Variants in CTNND2 observed in about 807,000 individuals in gnomAD.
CTNND2 encodes catenin delta-2.
Under a neutral mutation model 144.4 loss-of-function variants are expected in CTNND2, and 22 were observed. That is an observed-to-expected ratio of 0.15 (90% CI 0.11 to 0.22). The LOEUF (loss-of-function observed/expected upper bound fraction) is 0.22. Ranked by LOEUF, CTNND2 falls within the 10% of genes least tolerant of loss-of-function variation. The probability of loss-of-function intolerance (pLI) is 1.00; values close to 1 mark genes in which losing one functional copy is unlikely to be tolerated. For missense variants in CTNND2, 1,353 were observed against 1,618.8 expected (o/e 0.84, Z 2.82); for synonymous variants, 751 against 695.6 (o/e 1.08, Z -1.25).
At position 11,798,931 on chromosome 5, in the gene CTNND2, A is replaced by G. The variant is rs1338563010; in HGVS notation, c.38-66659T>C. On this transcript the variant is annotated intron_variant, in intron 1 of 21. Coordinates refer to ENST00000304623, the MANE Select transcript of CTNND2 (RefSeq NM_001332.4). ...AAAATGTTTGTGCTCTTTATCATAT[A>G]AATAATCACTATTTTAATGTGCAGA... Among the ~76,000 whole-genome samples the G allele has an allele frequency of 2.0e-5, 3 of 152,180 alleles. No homozygotes were observed. In the East Asian group the frequency reaches 5.8e-4, roughly 29 times the overall value.
At chr5:11,704,508 A>C (rs1347124679) in intron 2 of CTNND2, among the ~76,000 whole-genome samples, 1 of 152,158 alleles carries the variant, frequency 6.6e-6, no homozygotes, top group Non-Finnish European at 1.5e-5. Context: ...TCCTGAACCC[A>C]AGTACTTAGC....
At chr5:11,646,097 C>CT (rs1421895625) in intron 2 of CTNND2, among the ~76,000 whole-genome samples, 1 of 151,636 alleles carries the variant, frequency 6.6e-6, no homozygotes, top group Non-Finnish European at 1.5e-5. Flanking sequence ...CTTCTCTGTC[C>CT]TTTTTTCTTC....
Position 10,988,344 on chromosome 5 carries a change from A to G in CTNND2, c.3212-102T>C. ...TCACTATGCATGGTCCCGCATCTCA[A>G]TGCCTACGTGAGGACCTGATGGGTT... On this transcript the variant is annotated intron_variant, in intron 19 of 21. Coordinates refer to ENST00000304623, the MANE Select transcript of CTNND2 (RefSeq NM_001332.4). This position sits in a 1 kb window ranked among gnomAD's most constrained non-coding sequence, Gnocchi z 5.9. The G allele has an allele frequency of 7.1e-7, 1 of 1,417,308 alleles. No individual in the cohort carries two copies. The highest frequency in any genetic ancestry group is 2.3e-5 in the East Asian group (1 of 43,206). 87.8% of individuals were successfully genotyped at this position (1,417,308 alleles called of 1,614,324 possible).
At chr5:11,237,799 A>G (rs980019913) in intron 9 of CTNND2, among the ~76,000 whole-genome samples, 13 of 152,246 alleles carry the variant, frequency 8.5e-5, no homozygotes, top group African/African-American at 3.1e-4. Flanking sequence ...ATGTTGTGAT[A>G]GCAGCCAATG....
chr5:11,147,742 A>C (rs1056030913), intron 12 of CTNND2, among the ~76,000 whole-genome samples: 9 of 152,050 alleles, frequency 5.9e-5, no homozygotes, highest in Non-Finnish European at 1.2e-4. Flanking sequence ...AGGCCCAGAT[A>C]ATGTAATGGA....
chr5:11,627,729 A>T (rs760945926), intron 2 of CTNND2, among the ~76,000 whole-genome samples: 1 of 151,398 alleles, frequency 6.6e-6, no homozygotes, highest in Non-Finnish European at 1.5e-5. Flanking sequence ...GGATGATTCA[A>T]GTGTGTTACA....
intron 1 of CTNND2, among the ~76,000 whole-genome samples, chr5:11,776,026 G>A (rs183871988): frequency 1.9e-4 from 29 of 152,252 alleles, no homozygotes; most frequent in Admixed American, 1.1e-3. Context: ...AAGAGGCCAC[G>A]AAGGATTCTT....
chr5:11,641,010 A>G (rs533049347), intron 2 of CTNND2, among the ~76,000 whole-genome samples: 1 of 152,272 alleles, frequency 6.6e-6, no homozygotes, highest in Admixed American at 6.5e-5. Flanking sequence ...AACCCAAAAT[A>G]AAACCCAACA....
At chr5:11,817,426 A>AG (rs1192815906) in intron 1 of CTNND2, among the ~76,000 whole-genome samples, 2 of 1,198 alleles carry the variant, frequency 1.7e-3, no homozygotes, top group African/African-American at 2.3e-3. Flanking sequence ...AGAGAGAGAG[A>AG]GAGAGAGAGA....
chr5:11,170,402 T>C (rs1042982425), intron 11 of CTNND2, among the ~76,000 whole-genome samples: 7 of 152,220 alleles, frequency 4.6e-5, no homozygotes, highest in Admixed American at 3.9e-4. Flanking sequence ...AACTGACAGA[T>C]ACAATTGTAT....
rs547991355 is a variant in CTNND2, at chr5:11,755,704, C to G, written c.38-23432G>C. Among the ~76,000 whole-genome samples, 7 of 141,386 alleles carry G rather than the reference C, an allele frequency of 5.0e-5. No individual in the cohort carries two copies. The South Asian group carries it at 1.6e-3, about 31-fold the overall frequency. The allele number at this position is 141,386 out of a possible 152,430, so 92.8% of individuals were successfully genotyped here. A position where few individuals can be genotyped will look rare whatever the true frequency, so the allele number is the denominator to read the frequency against. On this transcript the variant is annotated intron_variant, in intron 1 of 21. Coordinates refer to ENST00000304623, the MANE Select transcript of CTNND2 (RefSeq NM_001332.4). ...TGGTCTTTGAGCTCTGAGATTCTTT[C>G]CTCAGCTTGGTTTATTCTGCTGTTA... is the stretch of plus-strand genomic sequence containing the variant.
intron 1 of CTNND2, among the ~76,000 whole-genome samples, chr5:11,851,605 T>C (rs1272831267): frequency 6.6e-6 from 1 of 152,206 alleles, no homozygotes; most frequent in Admixed American, 6.5e-5. Context: ...AAACCACGCC[T>C]ACCCAGGACT....
chr5:11,174,111 C>T (rs1760228201), intron 11 of CTNND2, among the ~76,000 whole-genome samples: 1 of 152,166 alleles, frequency 6.6e-6, no homozygotes, highest in South Asian at 2.1e-4. Flanking sequence ...GCCTTGAGCA[C>T]AGAGGTGAGG....
chr5:11,318,232 A>G (rs950155035), intron 9 of CTNND2, among the ~76,000 whole-genome samples: 1 of 152,128 alleles, frequency 6.6e-6, no homozygotes, highest in Non-Finnish European at 1.5e-5. Context: ...CCACCAGGCT[A>G]GACCCAAAGT....
chr5:11,365,865 G>C (rs185716134), intron 7 of CTNND2, among the ~76,000 whole-genome samples: 3 of 152,180 alleles, frequency 2.0e-5, no homozygotes, highest in Non-Finnish European at 4.4e-5. Flanking sequence ...GATGGCCTTG[G>C]GGCATCAAGG....
At chr5:11,714,699 G>A (rs1245467247) in intron 2 of CTNND2, among the ~76,000 whole-genome samples, 2 of 152,014 alleles carry the variant, frequency 1.3e-5, no homozygotes, top group Non-Finnish European at 2.9e-5. Flanking sequence ...GAGGTCAGGA[G>A]ATCGAGACTA....
At position 11,584,417 on chromosome 5, in the gene CTNND2, ATT is replaced by A. The variant is rs146463821; in HGVS notation, c.175-19363_175-19362del. On this transcript the variant is annotated intron_variant, in intron 2 of 21. Coordinates refer to ENST00000304623, the MANE Select transcript of CTNND2 (RefSeq NM_001332.4). ...TTGTTCTATATATACATATATATAT[ATT>A]TTTTTTGGGGGGGGGGAGGAGGAAG... Among the ~76,000 whole-genome samples, 190 of 129,094 alleles carry A rather than the reference ATT, an allele frequency of 1.5e-3. 1 individual carries two copies. The highest frequency in any genetic ancestry group is 2.3e-3 in the South Asian group (9 of 3,948). 84.7% of individuals were successfully genotyped at this position (129,094 alleles called of 152,430 possible). A position where few individuals can be genotyped will look rare whatever the true frequency, so the allele number is the denominator to read the frequency against.
intron 10 of CTNND2, among the ~76,000 whole-genome samples, chr5:11,206,889 A>G (rs1738101357): frequency 6.6e-6 from 1 of 152,092 alleles, no homozygotes; most frequent in Non-Finnish European, 1.5e-5. Flanking sequence ...TAAAGGCTAC[A>G]CTTACACTTA....
At chr5:11,359,794 C>G (rs1756260341) in intron 8 of CTNND2, among the ~76,000 whole-genome samples, 1 of 152,164 alleles carries the variant, frequency 6.6e-6, no homozygotes, top group South Asian at 2.1e-4. Flanking sequence ...AGACGTAGGT[C>G]TGGGGCAGGA....
Sources: allele counts gnomAD v4.1 joint callset (sites outside exome capture counted in the v4.1 genomes callset), GRCh38; gene constraint gnomAD v4.1.1; non-coding constraint Gnocchi (gnomAD v3.1); transcripts MANE v1.5; gene names NCBI Gene and HGNC (gene_info 2026-07-23, HGNC 2026-07-21).